The following ORC3 variants were observed in gnomAD, a reference collection of about 807,000 sequenced individuals.
The protein encoded by ORC3 is homolog of latheo, Drosophila.
In ORC3, 78 loss-of-function variants were observed where a neutral mutation model predicts 100.7. The ratio of observed to expected loss-of-function variants is 0.77; its 90% confidence interval spans 0.65 to 0.94. The LOEUF is 0.94. ORC3 is among the 40% of genes least tolerant of loss of function. The pLI, the probability that ORC3 is intolerant of heterozygous loss-of-function variation, is 0.00. For missense variants in ORC3, 789 were observed against 823.9 expected, an observed-to-expected ratio of 0.96 and a Z score of 0.52; for synonymous variants, 295 against 289.3, an observed-to-expected ratio of 1.02 and a Z score of -0.20.
At chr6:87,646,208 G>T (rs1446736320) in intron 13 of ORC3, among the ~76,000 whole-genome samples, 2 of 151,720 alleles carry the variant, frequency 1.3e-5, no homozygotes, top group Admixed American at 1.3e-4. Context: ...GGATGGTCTC[G>T]ATCTCCTGAC....
chr6:87,647,526 A>G (rs1223567073), intron 13 of ORC3, among the ~76,000 whole-genome samples: 1 of 152,184 alleles, frequency 6.6e-6, no homozygotes, highest in Non-Finnish European at 1.5e-5. Context: ...TATTCTGTTC[A>G]ATATTTTTCC....
the ORC3 span, chr6:87,675,699 TTAAG>T: frequency 1.3e-6 from 2 of 1,538,706 alleles, no homozygotes; most frequent in African/African-American, 2.7e-5. Context: ...CCCTAGGTAT[TTAAG>T]TAACCAAAAG....
chr6:87,649,746 C>CAAATAA (rs981496635), intron 13 of ORC3, among the ~76,000 whole-genome samples: 1 of 152,036 alleles, frequency 6.6e-6, no homozygotes, highest in Non-Finnish European at 1.5e-5. Context: ...AACTCCATCT[C>CAAATAA]AAATAAAAAT....
At chr6:87,665,145 C>T (rs995275998) in intron 18 of ORC3, among the ~76,000 whole-genome samples, 1 of 152,118 alleles carries the variant, frequency 6.6e-6, no homozygotes, top group African/African-American at 2.4e-5. Flanking sequence ...CAATAGTTAG[C>T]ATTAAGCAAA....
chr6:87,673,590 C>CA, the ORC3 span, among the ~76,000 whole-genome samples: 1 of 151,486 alleles, frequency 6.6e-6, no homozygotes, highest in Non-Finnish European at 1.5e-5. Context: ...CGCCTGTAAT[C>CA]ACAGCACTTT....
At chr6:87,598,777 C>G (rs891772994) in intron 2 of ORC3, among the ~76,000 whole-genome samples, 20 of 152,066 alleles carry the variant, frequency 1.3e-4, no homozygotes, top group Admixed American at 6.6e-4. Context: ...GAAACATACC[C>G]AGACTTTAAC....
At chr6:87,656,757 A>G in intron 14 of ORC3, 149 bp from the exon 15 acceptor site, 1 of 535,356 alleles carries the variant, frequency 1.9e-6, no homozygotes, top group South Asian at 2.5e-5. Flanking sequence ...AGCTTCTGTA[A>G]GAAATCATTT....
At chr6:87,641,331 A>T (rs554871504) in intron 13 of ORC3, among the ~76,000 whole-genome samples, 1 of 152,212 alleles carries the variant, frequency 6.6e-6, no homozygotes, top group Non-Finnish European at 1.5e-5. Flanking sequence ...AAGGCCAGAA[A>T]CATTGACTTT....
chr6:87,625,929 T>C (rs147710339), intron 11 of ORC3, among the ~76,000 whole-genome samples: 7,008 of 152,334 alleles, frequency 0.046, 217 homozygotes, highest in Non-Finnish European at 0.069. Flanking sequence ...CTGGCTCCAT[T>C]TATTAAATAG....
chr6:87,621,873 C>G, intron 10 of ORC3, 77 bp from the exon 11 acceptor site: 1 of 1,006,724 alleles, frequency 9.9e-7, no homozygotes, highest in Non-Finnish European at 1.5e-6. Flanking sequence ...CTAGGTAGTT[C>G]TTTTTCCCAA....
intron 2 of ORC3, among the ~76,000 whole-genome samples, chr6:87,597,996 A>G (rs926199062): frequency 1.6e-4 from 25 of 152,172 alleles, no homozygotes; most frequent in African/African-American, 6.0e-4. Flanking sequence ...TAACTAATAC[A>G]GTTGTTAATA....
chr6:87,645,352 GA>G, intron 13 of ORC3, among the ~76,000 whole-genome samples: 1 of 152,144 alleles, frequency 6.6e-6, no homozygotes, highest in Non-Finnish European at 1.5e-5. Context: ...CACCTAATAT[GA>G]AATATCAAGG....
intron 13 of ORC3, chr6:87,651,228 C>G (rs1769238738): frequency 2.2e-6 from 1 of 456,150 alleles, no homozygotes; most frequent in Non-Finnish European, 4.4e-6. Context: ...TGGACAAGAG[C>G]TGTTGCTGCC....
rs1278629520 is a variant in ORC3, at chr6:87,658,005, G to T, written c.1678G>T (p.Asp560Tyr). The T allele has an allele frequency of 1.3e-6, 2 of 1,591,610 alleles. No individual in the cohort carries two copies. Among genetic ancestry groups the T allele is most frequent in the Admixed American group, 1.7e-5 (1 of 59,962 alleles). The change falls in exon 16 of 20, where the codon GAC becomes TAC. Residue 560 changes from aspartate to tyrosine, a missense_variant. Physicochemically the swap from Asp to Tyr is radical, Grantham distance 160 (BLOSUM62 -3). Transcript: ENST00000392844. ...VLRENVVNFI[D>Y]CLVREYLLPP... ...CAGAGAAAATGTTGTGAACTTCATT[G>T]ACTGTCTAGTGAGGTAAGTCTAAAT...
Position 87,605,907 on chromosome 6 carries a change from TATCTC to T in ORC3, c.323-7_323-3del. On this transcript the variant is annotated splice_region_variant and splice_polypyrimidine_tract_variant and intron_variant, in intron 4 of 19. Coordinates refer to ENST00000392844, the MANE Select transcript of ORC3 (RefSeq NM_012381.4). ...AAATGGTGATGTAATATTGATGTAT[TATCTC>T]ATAGGTGTGAATGTCACAGATCATG... 7.0e-7 allele frequency: 1 copy of T among 1,428,692 alleles called. No individual in the cohort carries two copies. Among genetic ancestry groups the T allele is most frequent in the Non-Finnish European group, 9.8e-7 (1 of 1,019,950 alleles). The allele number at this position is 1,428,692 out of a possible 1,614,324, so 88.5% of individuals were successfully genotyped here.
the ORC3 span, among the ~76,000 whole-genome samples, chr6:87,673,143 A>T: frequency 7.7e-6 from 1 of 129,434 alleles, no homozygotes; most frequent in South Asian, 2.4e-4. Context: ...GCTGTGGAGC[A>T]AAAAAAAAAA....
intron 17 of ORC3, among the ~76,000 whole-genome samples, chr6:87,663,530 G>A (rs1459217866): frequency 6.6e-6 from 1 of 152,228 alleles, no homozygotes; most frequent in African/African-American, 2.4e-5. Context: ...GACCGAAATG[G>A]TTGTTTCTAG....
At chr6:87,658,493 T>C (rs1769903474) in intron 16 of ORC3, among the ~76,000 whole-genome samples, 1 of 152,196 alleles carries the variant, frequency 6.6e-6, no homozygotes, top group African/African-American at 2.4e-5. Context: ...TTATTCTTTT[T>C]CCATCATTAT....
intron 14 of ORC3, among the ~76,000 whole-genome samples, chr6:87,656,456 C>T (rs1769698114): frequency 1.3e-5 from 2 of 152,010 alleles, no homozygotes; most frequent in African/African-American, 4.8e-5. Flanking sequence ...GGCATGGTGG[C>T]CGGCACCTGT....
Sources: allele counts gnomAD v4.1 joint callset (sites outside exome capture counted in the v4.1 genomes callset), GRCh38; gene constraint gnomAD v4.1.1; transcripts MANE v1.5; gene names NCBI Gene and HGNC (gene_info 2026-07-23, HGNC 2026-07-21).